The following SSC4D variants were observed in gnomAD, a reference collection of about 807,000 sequenced individuals.
SSC4D encodes scavenger receptor cysteine rich family member with 4 domains.
SSC4D carries 57 observed loss-of-function variants against 63.4 expected under a neutral mutation model. The ratio of observed to expected loss-of-function variants is 0.90; its 90% CI spans 0.73 to 1.12. The LOEUF (loss-of-function observed/expected upper bound fraction) is 1.12, where lower values mean the gene tolerates loss of function less well. Ranked by LOEUF, SSC4D falls within the 50% of genes most tolerant of loss-of-function variation. The probability of loss-of-function intolerance (pLI) is 0.00; values close to 1 mark genes in which losing one functional copy is unlikely to be tolerated. For synonymous variants in SSC4D, 352 were observed against 345.4 expected (o/e 1.02, Z -0.21); for missense variants, 791 against 806.4 (o/e 0.98, Z 0.23).
rs1804446045 is a variant in SSC4D, at chr7:76,389,516, C to T, written c.*543G>A. 6.5e-6 allele frequency: 1 copy of T among 153,590 alleles called. No individual in the cohort carries two copies. 9.5% of individuals were successfully genotyped at this position (153,590 alleles called of 1,614,324 possible). ...CTGCTTTGGCCCCTCCCCCAGTCCCCTTGTCCAGCCGAGCACCATCTGAGT... is the reference window on the plus strand; with the variant it reads ...CTGCTTTGGCCCCTCCCCCAGTCCCTTTGTCCAGCCGAGCACCATCTGAGT... On this transcript the variant is annotated 3_prime_UTR_variant, in exon 11 of 11. Coordinates refer to ENST00000275560, the MANE Select transcript of SSC4D (RefSeq NM_080744.2).
chr7:76,409,479 G>A lies in SSC4D; in HGVS notation c.-132C>T, dbSNP rs912825703. 6.6e-6 allele frequency: 1 copy of A among 152,258 alleles called. No homozygotes were observed. Among genetic ancestry groups the A allele is most frequent in the African/African-American group, 2.4e-5 (1 of 41,450 alleles). The allele number at this position is 152,258 out of a possible 1,614,324, so 9.4% of individuals were successfully genotyped here. A position where few individuals can be genotyped will look rare whatever the true frequency, so the allele number is the denominator to read the frequency against. On this transcript the variant is annotated 5_prime_UTR_variant, in exon 1 of 11. Transcript: ENST00000275560. ...AGTCAATCCAAGATCGAATCACTTT[G>A]TCTGCCCCTGGAAGTTTAGGAGGAG...
At chr7:76,391,348 C>T (rs2015834) in intron 10 of SSC4D, among the ~76,000 whole-genome samples, 25,877 of 151,720 alleles carry the variant, frequency 0.17, 2,842 homozygotes, top group East Asian at 0.32. Context: ...GGCTGAGGCA[C>T]GAGAATCGCT....
chr7:76,391,875 G>T, intron 10 of SSC4D, 89 bp downstream of exon 10: 1 of 1,350,202 alleles, frequency 7.4e-7, no homozygotes, highest in Non-Finnish European at 1.0e-6. Context: ...AATCTGCTGA[G>T]CTTTATAACC....
At chr7:76,392,164 G>T (rs1448401760) in intron 9 of SSC4D, 123 bp from the exon 10 acceptor site, 5 of 931,018 alleles carry the variant, frequency 5.4e-6, no homozygotes, top group Non-Finnish European at 7.9e-6. Flanking sequence ...GACTTCACAG[G>T]TTCCTGAAGA....
Position 76,393,812 on chromosome 7 carries a change from C to T in SSC4D, c.1021+18G>A. 1 of 1,422,806 alleles carries T rather than the reference C, an allele frequency of 7.0e-7. No individual in the cohort carries two copies. The highest frequency in any genetic ancestry group is 9.2e-7 in the Non-Finnish European group (1 of 1,090,636). The allele number at this position is 1,422,806 out of a possible 1,614,324, so 88.1% of individuals were successfully genotyped here. On this transcript the variant is annotated intron_variant, in intron 8 of 10. Transcript: ENST00000275560. ...CTACCCTTCCCCATCCCCCGCAGAC[C>T]CAGGCACCGCCACTTACTTTTCTTC...
chr7:76,393,367 G>T, intron 9 of SSC4D, 38 bp downstream of exon 9: 2 of 1,321,472 alleles, frequency 1.5e-6, no homozygotes, highest in Non-Finnish European at 1.9e-6. Context: ...CGCAGTGCGC[G>T]GCCCCGCTGT....
chr7:76,396,306 G>A (rs1016877813), intron 6 of SSC4D, among the ~76,000 whole-genome samples: 27 of 152,164 alleles, frequency 1.8e-4, no homozygotes, highest in African/African-American at 5.1e-4. Context: ...TACCATTGCC[G>A]TGGCAACACC....
intron 1 of SSC4D, among the ~76,000 whole-genome samples, chr7:76,406,048 C>T (rs1385588908): frequency 6.6e-6 from 1 of 151,712 alleles, no homozygotes; most frequent in Non-Finnish European, 1.5e-5. Context: ...TGCAATGGTG[C>T]GATCTCCGTT....
intron 6 of SSC4D, among the ~76,000 whole-genome samples, chr7:76,396,392 C>T (rs1471967597): frequency 6.6e-6 from 1 of 152,228 alleles, no homozygotes; most frequent in East Asian, 1.9e-4. Context: ...GCATAATCCA[C>T]CCCCTAATTT....
chr7:76,397,645 G>GC lies in SSC4D; in HGVS notation c.740dup (p.Thr248HisfsTer125). 3 of 1,613,748 alleles carry GC rather than the reference G, an allele frequency of 1.9e-6. No homozygotes were observed. Among genetic ancestry groups the GC allele is most frequent in the Non-Finnish European group, 2.5e-6 (3 of 1,179,854 alleles). On this transcript the variant is annotated frameshift_variant, in exon 6 of 11. Transcript: ENST00000275560. LOFTEE classifies it high-confidence loss of function. ...CGTTGTCCAGCAGGATGTGTCCGGT[G>GC]CCATAGCCGAAGAAGGCGTTGGTGG...
In SSC4D at chr7:76,406,784, G is replaced by GA. The variant is rs879441615; in HGVS notation, c.-66-2280dup. Among the ~76,000 whole-genome samples, 1,075 of 139,272 alleles carry GA rather than the reference G, an allele frequency of 7.7e-3. 10 individuals are homozygous for GA. Among genetic ancestry groups the GA allele is most frequent in the African/African-American group, 0.022 (844 of 38,286 alleles). The allele number at this position is 139,272 out of a possible 152,430, so 91.4% of individuals were successfully genotyped here. A position where few individuals can be genotyped will look rare whatever the true frequency, so the allele number is the denominator to read the frequency against. On this transcript the variant is annotated intron_variant, in intron 1 of 10. Transcript: ENST00000275560. ...TTTTTAATACCCCAATCCTAAATCAGAAAAAAAAAAAAATCTTCAAGGCCT... is the reference window on the plus strand; with the variant it reads ...TTTTTAATACCCCAATCCTAAATCAGAAAAAAAAAAAAAATCTTCAAGGCCT...
rs150678176 is a variant in SSC4D, at chr7:76,403,302, T to C, written c.133+1005A>G. Among the ~76,000 whole-genome samples the C allele has an allele frequency of 2.7e-3, 409 of 152,154 alleles. 3 individuals are homozygous for C. Among genetic ancestry groups the C allele is most frequent in the African/African-American group, 9.3e-3 (385 of 41,544 alleles). ...CCTTATAACCACCCCCTGCAGCCTGTACTTGTGTACGCATTTTACTGATGA... is the reference window on the plus strand; with the variant it reads ...CCTTATAACCACCCCCTGCAGCCTGCACTTGTGTACGCATTTTACTGATGA... On this transcript the variant is annotated intron_variant, in intron 2 of 10. Coordinates refer to ENST00000275560, the MANE Select transcript of SSC4D (RefSeq NM_080744.2).
intron 1 of SSC4D, among the ~76,000 whole-genome samples, chr7:76,405,227 C>T (rs1254508313): frequency 1.7e-5 from 2 of 115,658 alleles, no homozygotes; most frequent in Non-Finnish European, 3.6e-5. Flanking sequence ...CCTCAGCCTC[C>T]TGGGTAGCTG....
intron 4 of SSC4D, 142 bp from the exon 5 acceptor site, chr7:76,398,939 C>G: frequency 1.3e-6 from 1 of 779,670 alleles, no homozygotes; most frequent in Non-Finnish European, 2.1e-6. Flanking sequence ...GCCAGGAACA[C>G]TGGGGTATGA....
chr7:76,395,984 C>G (rs976328544), intron 6 of SSC4D, among the ~76,000 whole-genome samples: 1 of 152,238 alleles, frequency 6.6e-6, no homozygotes, highest in Admixed American at 6.5e-5. Context: ...CGTGAGCCAC[C>G]GCGCCCAGCC....
chr7:76,397,835 G>A lies in SSC4D; in HGVS notation c.554-3C>T, dbSNP rs762179613. ...TACCAGGCGTACGCTGCCCTCACCT[G>A]GGGATGGGGGCGGGGGTCAGGGCGC... On this transcript the variant is annotated splice_polypyrimidine_tract_variant and splice_region_variant and intron_variant, in intron 5 of 10. Transcript: ENST00000275560. The A allele has an allele frequency of 1.3e-6, 2 of 1,556,552 alleles. No individual in the cohort carries two copies. Among genetic ancestry groups the A allele is most frequent in the Non-Finnish European group, 1.7e-6 (2 of 1,147,968 alleles).
Position 76,404,510 on chromosome 7 carries a change from A to T in SSC4D, c.-66-5T>A. 6.2e-7 allele frequency: 1 copy of T among 1,610,370 alleles called. No homozygotes were observed. The highest frequency in any genetic ancestry group is 1.7e-5 in the Admixed American group (1 of 59,928). The stretch of plus-strand genomic sequence containing the variant: ...GAGAAGTCACAGTTGGAACATCTGA[A>T]ATTAAAGATCCCAAATGTTGCTGGG... On this transcript the variant is annotated splice_polypyrimidine_tract_variant and splice_region_variant and intron_variant, in intron 1 of 10. Coordinates refer to ENST00000275560, the MANE Select transcript of SSC4D (RefSeq NM_080744.2).
rs61741453 is a variant in SSC4D, at chr7:76,395,322, G to A, written c.877C>T (p.Pro293Ser). The A allele has an allele frequency of 6.4e-5, 103 of 1,613,876 alleles. No homozygotes were observed. The African/African-American group carries it at 1.2e-3, about 19-fold the overall frequency. Reference sequence around the variant, plus strand: ...GATGGCAGTGCTGTGAGCGTTGGGGGACCCAGGCCTAGGGCAGGAGAGAAG... The same window carrying A: ...GATGGCAGTGCTGTGAGCGTTGGGGAACCCAGGCCTAGGGCAGGAGAGAAG... The part of the protein sequence containing the change: ...DAGALCAGLG[P>S]PTLTALPSSA... Residue 293 changes from proline (P) to serine (S), a missense_variant, in exon 7 of 11, where the codon CCC becomes TCC. Pro to Ser is a moderately conservative substitution (Grantham distance 74). Coordinates refer to ENST00000275560, the MANE Select transcript of SSC4D (RefSeq NM_080744.2).
rs1177145329 is a variant in SSC4D at position 76,393,859 on chromosome 7, G to T, written c.992C>A (p.Thr331Asn). The T allele has an allele frequency of 1.2e-6, 2 of 1,606,508 alleles. No individual in the cohort carries two copies. The highest frequency in any genetic ancestry group is 2.7e-5 in the African/African-American group (2 of 74,810). ...PQPSRETALL[T>N]TAAWAAGKKS... is the part of the protein sequence containing the mutation. ...CTTCCCCGCGGCCCAGGCGGCGGTGGTGAGCAGTGCTGTCTCCCGGGAAGG... is the reference window on the plus strand; with the variant it reads ...CTTCCCCGCGGCCCAGGCGGCGGTGTTGAGCAGTGCTGTCTCCCGGGAAGG... Residue 331 changes from threonine to asparagine, a missense_variant, in exon 8 of 11, where the codon ACC becomes AAC. Coordinates refer to ENST00000275560, the MANE Select transcript of SSC4D (RefSeq NM_080744.2).
Sources: allele counts gnomAD v4.1 joint callset (sites outside exome capture counted in the v4.1 genomes callset), GRCh38; gene constraint gnomAD v4.1.1; transcripts MANE v1.5; gene names NCBI Gene and HGNC (gene_info 2026-07-23, HGNC 2026-07-21).